The following FAM83F variants were observed in gnomAD, a reference collection of about 807,000 sequenced individuals.
The protein encoded by FAM83F is scaffolding CK1 anchoring protein F, also known as protein FAM83F.
FAM83F carries 45 observed loss-of-function variants against 42.9 expected under a neutral mutation model. That is an observed-to-expected ratio of 1.05 (90% CI 0.83 to 1.35). FAM83F has a LOEUF of 1.35. Ranked by LOEUF, FAM83F falls within the 40% of genes most tolerant of loss-of-function variation. The pLI is 0.00. For missense variants in FAM83F, 617 were observed against 695.9 expected, an observed-to-expected ratio of 0.89 and a Z score of 1.28; for synonymous variants, 306 against 298.3, an observed-to-expected ratio of 1.03 and a Z score of -0.27.
chr22:40,020,000 A>C lies in FAM83F; in HGVS notation c.771A>C (p.Gly257=). The change falls in exon 3 of 5, where the codon GGA becomes GGC. Residue 257 remains glycine, a synonymous_variant. Coordinates refer to ENST00000333407, the MANE Select transcript of FAM83F (RefSeq NM_138435.4). ...TGGACGGTGACAAAGTGGCCACTGGATCTTACAGGTGAGTTGGGCCGGATC... is the reference window on the plus strand; with the variant it reads ...TGGACGGTGACAAAGTGGCCACTGGCTCTTACAGGTGAGTTGGGCCGGATC... The part of the protein sequence containing the change: ...LMVDGDKVAT[G]SYRFTWSSSH... The C allele has an allele frequency of 6.2e-7, 1 of 1,612,736 alleles. No individual in the cohort carries two copies. Among genetic ancestry groups the C allele is most frequent in the African/African-American group, 1.3e-5 (1 of 74,912 alleles).
At chr22:40,024,384 G>A (rs1357177529) in intron 4 of FAM83F, among the ~76,000 whole-genome samples, 4 of 152,214 alleles carry the variant, frequency 2.6e-5, no homozygotes, top group Non-Finnish European at 5.9e-5. Flanking sequence ...TCTCCCCTCA[G>A]GCAGCAGCAG....
intron 1 of FAM83F, among the ~76,000 whole-genome samples, chr22:39,996,599 C>T (rs957416234): frequency 2.0e-5 from 3 of 152,148 alleles, no homozygotes; most frequent in African/African-American, 7.2e-5. Flanking sequence ...GTTCACCACT[C>T]AAATTCCACT....
intron 3 of FAM83F, 140 bp downstream of exon 3, chr22:40,020,148 C>A: frequency 8.0e-7 from 1 of 1,249,252 alleles, no homozygotes; most frequent in Non-Finnish European, 1.1e-6. Flanking sequence ...CAGCTTTCTG[C>A]CCAGTCCCTT....
rs777223505 is a variant in FAM83F at position 40,016,198 on chromosome 22, G to GT, written c.490-2963dup. Among the ~76,000 whole-genome samples the GT allele has an allele frequency of 6.2e-4, 94 of 151,954 alleles. 1 individual carries two copies. Among genetic ancestry groups the GT allele is most frequent in the Non-Finnish European group, 1.3e-3 (87 of 67,964 alleles). ...TGATTGACTATACGTTGTTGTTGTTGTTTTTTTATTTTTTTTTGAGATAGA... is the reference window on the plus strand; with the variant it reads ...TGATTGACTATACGTTGTTGTTGTTGTTTTTTTTATTTTTTTTTGAGATAGA... On this transcript the variant is annotated intron_variant, in intron 1 of 4. Transcript: ENST00000333407.
At chr22:40,015,468 C>T (rs2067488045) in intron 1 of FAM83F, among the ~76,000 whole-genome samples, 2 of 152,196 alleles carry the variant, frequency 1.3e-5, no homozygotes, top group African/African-American at 4.8e-5. Flanking sequence ...TTTGTTTGTG[C>T]TGTGCCCTTT....
At chr22:40,022,051 C>A in intron 4 of FAM83F, 88 bp downstream of exon 4, 1 of 1,157,660 alleles carries the variant, frequency 8.6e-7, no homozygotes, top group Non-Finnish European at 1.2e-6. Context: ...CTGCCTCATA[C>A]CTGCAGAGGA....
At chr22:40,025,409 C>T (rs182592773) in intron 4 of FAM83F, among the ~76,000 whole-genome samples, 2 of 151,854 alleles carry the variant, frequency 1.3e-5, no homozygotes, top group Admixed American at 1.3e-4. Context: ...ACAGAGAGAC[C>T]CTGTCTCAAA....
chr22:40,021,431 G>T lies in FAM83F; in HGVS notation c.921G>T (p.Ala307=). 6.2e-7 allele frequency: 1 copy of T among 1,613,532 alleles called. No homozygotes were observed. The highest frequency in any genetic ancestry group is 8.5e-7 in the Non-Finnish European group (1 of 1,179,664). The change falls in exon 4 of 5, where the codon GCG becomes GCT. Residue 307 remains alanine, a synonymous_variant. Transcript: ENST00000333407. The surrounding 1 kb of genome is among the most constrained non-coding windows in gnomAD (Gnocchi z 8.7). ...EVDLYRQLSL[A]GRVGLHYSST... Reference sequence around the variant, plus strand: ...ACTTGTACCGGCAGCTGAGCCTGGCGGGCAGGGTTGGCCTCCATTACTCCT... The same window carrying T: ...ACTTGTACCGGCAGCTGAGCCTGGCTGGCAGGGTTGGCCTCCATTACTCCT...
chr22:40,016,876 C>T (rs998381625), intron 1 of FAM83F, among the ~76,000 whole-genome samples: 4 of 151,314 alleles, frequency 2.6e-5, no homozygotes, highest in African/African-American at 9.7e-5. Context: ...GTTGGCCAGG[C>T]TGGTTTCGAA....
At position 39,994,981 on chromosome 22, in the gene FAM83F, G is replaced by A. The variant is rs1233104910; in HGVS notation, c.-62G>A. 4.1e-6 allele frequency: 5 copies of A among 1,213,806 alleles called. No homozygotes were observed. In the East Asian group the frequency reaches 1.3e-4, roughly 32 times the overall value. The allele number at this position is 1,213,806 out of a possible 1,614,324, so 75.2% of individuals were successfully genotyped here. A position where few individuals can be genotyped will look rare whatever the true frequency, so the allele number is the denominator to read the frequency against. On this transcript the variant is annotated 5_prime_UTR_variant, in exon 1 of 5. Transcript: ENST00000333407. The stretch of plus-strand genomic sequence containing the variant: ...CCCGCCCCTCGGCGGCTCCAGGTGC[G>A]GCTGTGGGACCTCGGACCGCGGCGG...
rs2146253421 is a variant in FAM83F at position 40,039,992 on chromosome 22, G to C, written c.*10427G>C. The C allele has an allele frequency of 6.6e-6, 1 of 152,378 alleles. No homozygotes were observed. The highest frequency in any genetic ancestry group is 1.9e-4 in the East Asian group (1 of 5,186). The allele number at this position is 152,378 out of a possible 1,614,324, so 9.4% of individuals were successfully genotyped here. On this transcript the variant is annotated 3_prime_UTR_variant, in exon 5 of 5. Transcript: ENST00000333407. ...CGCAGGCCATTATTTAAAAAGCTAGGATAAGAAAATAGAGAAGAAAGGGAA... is the reference window on the plus strand; with the variant it reads ...CGCAGGCCATTATTTAAAAAGCTAGCATAAGAAAATAGAGAAGAAAGGGAA...
chr22:40,029,298 G>A (rs1353792330), intron 4 of FAM83F, among the ~76,000 whole-genome samples: 1 of 152,126 alleles, frequency 6.6e-6, no homozygotes, highest in Non-Finnish European at 1.5e-5. Flanking sequence ...GTCCCACCCA[G>A]TGGGGCTCCT....
At chr22:40,017,168 C>G (rs1316211185) in intron 1 of FAM83F, among the ~76,000 whole-genome samples, 3 of 151,958 alleles carry the variant, frequency 2.0e-5, no homozygotes, top group Non-Finnish European at 1.5e-5. Flanking sequence ...GTGGTGACAC[C>G]CCCGTGACGG....
chr22:40,028,911 C>T (rs750498166), intron 4 of FAM83F, among the ~76,000 whole-genome samples: 17 of 152,166 alleles, frequency 1.1e-4, no homozygotes, highest in African/African-American at 1.4e-4. Flanking sequence ...GGAACTGGAC[C>T]GGGAAGGCCA....
Position 39,995,435 on chromosome 22 carries a change from C to G in FAM83F, c.393C>G (p.Gly131=). The change falls in exon 1 of 5, where the codon GGC becomes GGG. Residue 131 remains glycine, a synonymous_variant. Coordinates refer to ENST00000333407, the MANE Select transcript of FAM83F (RefSeq NM_138435.4). This position sits in a 1 kb window ranked among gnomAD's most constrained non-coding sequence, Gnocchi z 4.6. ...GGACGGACACTGGTTTCTACCGCGG[C>G]GTGAGCCGGGTCACGCTCTTCACCC... ...LGWTDTGFYR[G]VSRVTLFTHP... 1 of 1,555,990 alleles carries G rather than the reference C, an allele frequency of 6.4e-7. No individual in the cohort carries two copies. The highest frequency in any genetic ancestry group is 8.7e-7 in the Non-Finnish European group (1 of 1,149,908).
chr22:40,004,004 G>A (rs912169869), intron 1 of FAM83F, among the ~76,000 whole-genome samples: 2 of 152,098 alleles, frequency 1.3e-5, no homozygotes, highest in African/African-American at 4.8e-5. Context: ...CAGACTATGA[G>A]TTTCCCGAAC....
intron 4 of FAM83F, among the ~76,000 whole-genome samples, chr22:40,028,524 C>T (rs992903043): frequency 9.2e-5 from 14 of 152,118 alleles, no homozygotes; most frequent in Admixed American, 3.3e-4. Flanking sequence ...ATGGGCTCCC[C>T]GCTCCAGCGC....
At chr22:40,018,794 G>A (rs2067504386) in intron 1 of FAM83F, among the ~76,000 whole-genome samples, 1 of 152,052 alleles carries the variant, frequency 6.6e-6, no homozygotes, top group African/African-American at 2.4e-5. Flanking sequence ...TCACCATGTT[G>A]GCCAGGCTGG....
In FAM83F at chr22:40,038,125, C is replaced by T. The variant is rs747507445; in HGVS notation, c.*8560C>T. ...GTGATAAGATAGACCTGGCCTTTAC[C>T]TTCAAATGTTCAGAACATGGTTAGG... On this transcript the variant is annotated 3_prime_UTR_variant, in exon 5 of 5. Transcript: ENST00000333407. The T allele has an allele frequency of 3.3e-5, 5 of 152,198 alleles. No homozygotes were observed. Among genetic ancestry groups the T allele is most frequent in the Admixed American group, 1.3e-4 (2 of 15,276 alleles). 9.4% of individuals were successfully genotyped at this position (152,198 alleles called of 1,614,324 possible). A position where few individuals can be genotyped will look rare whatever the true frequency, so the allele number is the denominator to read the frequency against.
Sources: gnomAD v4.1 joint callset for allele counts (sites outside exome capture counted in the v4.1 genomes callset) on GRCh38, gnomAD v4.1.1 for gene constraint, Gnocchi (gnomAD v3.1) non-coding constraint, MANE v1.5 for transcripts, NCBI Gene and HGNC (gene_info 2026-07-23, HGNC 2026-07-21) for gene names.